Variants in MCU observed in about 807,000 individuals in gnomAD.
MCU encodes the protein mitochondrial calcium uniporter.
A neutral mutation model predicts 45.2 loss-of-function variants in MCU; 12 were observed. The observed-to-expected ratio is 0.27, with a 90% CI of 0.17 to 0.43. The LOEUF (loss-of-function observed/expected upper bound fraction) is 0.43. Among genes scored for constraint, MCU ranks in the 20% least tolerant of loss-of-function variants. The probability of loss-of-function intolerance (pLI) is 1.00; values close to 1 mark genes in which losing one functional copy is unlikely to be tolerated. For missense variants in MCU, 324 were observed against 436.7 expected, an observed-to-expected ratio of 0.74 and a Z score of 2.30; for synonymous variants, 160 against 165.1, an observed-to-expected ratio of 0.97 and a Z score of 0.24.
chr10:72,838,979 A>G (rs990252882), intron 2 of MCU, among the ~76,000 whole-genome samples: 4 of 151,166 alleles, frequency 2.6e-5, no homozygotes, highest in African/African-American at 7.3e-5. Context: ...TACATCTGTC[A>G]CAACAAATCA....
At chr10:72,827,151 T>G (rs1203897359) in intron 1 of MCU, among the ~76,000 whole-genome samples, 1 of 152,222 alleles carries the variant, frequency 6.6e-6, no homozygotes, top group Non-Finnish European at 1.5e-5. Context: ...GGAGTTTACA[T>G]TCTGACTTTA....
chr10:72,692,685 C>T, intron 1 of MCU: 1 of 1,217,222 alleles, frequency 8.2e-7, no homozygotes, highest in Non-Finnish European at 1.0e-6. Context: ...TCCCCTTTCC[C>T]TCCTCCTCCG....
chr10:72,753,836 G>T (rs1285526074), intron 1 of MCU, among the ~76,000 whole-genome samples: 1 of 151,938 alleles, frequency 6.6e-6, no homozygotes, highest in Non-Finnish European at 1.5e-5. Flanking sequence ...CTGTGATCAC[G>T]CCACTGCACT....
At chr10:72,836,244 T>C (rs1844954414) in intron 2 of MCU, among the ~76,000 whole-genome samples, 1 of 152,152 alleles carries the variant, frequency 6.6e-6, no homozygotes, top group African/African-American at 2.4e-5. Context: ...ATATATTCAA[T>C]ATCCACATAT....
intron 1 of MCU, 47 bp downstream of exon 1, chr10:72,692,348 G>A (rs1438472640): frequency 3.4e-6 from 4 of 1,179,596 alleles, no homozygotes; most frequent in Admixed American, 4.5e-5. Flanking sequence ...GGCGGCGCTG[G>A]CGTGTGGGAG....
intron 1 of MCU, among the ~76,000 whole-genome samples, chr10:72,821,325 TTAAG>T (rs1248166122): frequency 6.6e-6 from 1 of 152,156 alleles, no homozygotes; most frequent in Non-Finnish European, 1.5e-5. Flanking sequence ...TAAAATGTAA[TTAAG>T]TAATCAGCAA....
At chr10:72,833,863 T>G (rs1022466298) in intron 1 of MCU, among the ~76,000 whole-genome samples, 2 of 152,154 alleles carry the variant, frequency 1.3e-5, no homozygotes, top group Non-Finnish European at 2.9e-5. Flanking sequence ...CTCCAGGTTT[T>G]TTAAAAAGGA....
chr10:72,706,641 G>A (rs1312140380), intron 1 of MCU, among the ~76,000 whole-genome samples: 1 of 151,584 alleles, frequency 6.6e-6, no homozygotes, highest in East Asian at 1.9e-4. Flanking sequence ...GGGTTCAAGC[G>A]ATTCTCCTCC....
rs145603026 is a variant in MCU at position 72,836,515 on chromosome 10, A to G, written c.220+2087A>G. On this transcript the variant is annotated intron_variant, in intron 2 of 7. Transcript: ENST00000373053. ...ATTTAACAATGGTACAGTTATGTAT[A>G]CCTATATTCTATCCATATGGAGATA... Among the ~76,000 whole-genome samples the G allele has an allele frequency of 4.6e-5, 7 of 152,284 alleles. No individual in the cohort carries two copies. In the East Asian group the frequency reaches 1.3e-3, roughly 29 times the overall value.
In MCU at chr10:72,741,098, C is replaced by CT. The variant is rs11310286; in HGVS notation, c.150+48814dup. ...CTTGAGAGAATAGCGTTTTCTTTTT[C>CT]TTTTTTTTTTTTTTTTTGTGTGACG... On this transcript the variant is annotated intron_variant, in intron 1 of 7. Coordinates refer to ENST00000373053, the MANE Select transcript of MCU (RefSeq NM_138357.3). Among the ~76,000 whole-genome samples, 501 of 124,640 alleles carry CT rather than the reference C, an allele frequency of 4.0e-3. 12 individuals are homozygous for CT. In the East Asian group the frequency reaches 0.071, roughly 18 times the overall value. The allele number at this position is 124,640 out of a possible 152,430, so 81.8% of individuals were successfully genotyped here.
At chr10:72,744,981 C>T (rs144529929) in intron 1 of MCU, among the ~76,000 whole-genome samples, 1 of 152,088 alleles carries the variant, frequency 6.6e-6, no homozygotes, top group African/African-American at 2.4e-5. Flanking sequence ...TTAACATGAT[C>T]TGCCCCTCAG....
chr10:72,761,826 G>GT (rs1278548397), intron 1 of MCU, among the ~76,000 whole-genome samples: 2 of 151,922 alleles, frequency 1.3e-5, no homozygotes, highest in African/African-American at 2.4e-5. Context: ...CCAATATGTA[G>GT]TTTTTTTATT....
At chr10:72,830,574 T>C (rs1476211174) in intron 1 of MCU, among the ~76,000 whole-genome samples, 2 of 152,218 alleles carry the variant, frequency 1.3e-5, no homozygotes, top group Non-Finnish European at 2.9e-5. Flanking sequence ...CTTCCTACTG[T>C]ATGTGTCTGA....
chr10:72,777,628 C>G (rs904772331), intron 1 of MCU, among the ~76,000 whole-genome samples: 1 of 152,170 alleles, frequency 6.6e-6, no homozygotes, highest in Non-Finnish European at 1.5e-5. Context: ...CTCCAGGGCA[C>G]TGGTCTAGGC....
At chr10:72,837,337 C>T (rs769826710) in intron 2 of MCU, among the ~76,000 whole-genome samples, 8 of 152,172 alleles carry the variant, frequency 5.3e-5, no homozygotes, top group South Asian at 2.1e-4. Flanking sequence ...AACCATGGAA[C>T]AAACACATAC....
At chr10:72,712,017 CTG>C (rs780816083) in intron 1 of MCU, among the ~76,000 whole-genome samples, 3 of 150,722 alleles carry the variant, frequency 2.0e-5, no homozygotes, top group South Asian at 4.2e-4. Context: ...CTGCCCAAGA[CTG>C]TGTTTCTTAA....
In MCU at chr10:72,715,923, A is replaced by G. The variant is rs984705507; in HGVS notation, c.150+23622A>G. ...CGCAGGTATGTGAAGATCATGATTC[A>G]TAAGCATTTTCTCCCTGCAAGCAAA... On this transcript the variant is annotated intron_variant, in intron 1 of 7. Coordinates refer to ENST00000373053, the MANE Select transcript of MCU (RefSeq NM_138357.3). 11 of 982,906 alleles carry G rather than the reference A, an allele frequency of 1.1e-5. No homozygotes were observed. In the South Asian group the frequency reaches 4.7e-4, roughly 42 times the overall value. 60.9% of individuals were successfully genotyped at this position (982,906 alleles called of 1,614,324 possible).
intron 2 of MCU, among the ~76,000 whole-genome samples, chr10:72,838,429 C>T (rs1276097278): frequency 6.6e-6 from 1 of 151,970 alleles, no homozygotes. Flanking sequence ...GCCTGGGCAA[C>T]ATAGACCTCA....
At chr10:72,796,883 G>T (rs959613162) in intron 1 of MCU, among the ~76,000 whole-genome samples, 3 of 151,890 alleles carry the variant, frequency 2.0e-5, no homozygotes, top group Non-Finnish European at 2.9e-5. Flanking sequence ...AAATTTCCAG[G>T]TGGAATGACT....
Sources: gnomAD v4.1 joint callset for allele counts (sites outside exome capture counted in the v4.1 genomes callset) on GRCh38, gnomAD v4.1.1 for gene constraint, MANE v1.5 for transcripts, NCBI Gene and HGNC (gene_info 2026-07-23, HGNC 2026-07-21) for gene names.